The following AKAP13 variants were observed in gnomAD, a reference collection of about 807,000 sequenced individuals.
AKAP13 encodes A-kinase anchor protein 13.
In AKAP13, 80 loss-of-function variants were observed where a neutral mutation model predicts 264.5. That is an observed-to-expected ratio of 0.30 (90% CI 0.25 to 0.36). The LOEUF (loss-of-function observed/expected upper bound fraction) is 0.36. AKAP13 is among the 10% of genes least tolerant of loss of function. The pLI, the probability that AKAP13 is intolerant of heterozygous loss-of-function variation, is 1.00. For synonymous variants in AKAP13, 1,380 were observed against 1,250.2 expected, an observed-to-expected ratio of 1.10 and a Z score of -2.19; for missense variants, 3,712 against 3,435.2, an observed-to-expected ratio of 1.08 and a Z score of -2.01.
intron 17 of AKAP13, chr15:85,701,058 C>T (rs1236829070): frequency 6.6e-6 from 1 of 152,196 alleles, no homozygotes; most frequent in Non-Finnish European, 1.5e-5. Flanking sequence ...TTTTACATAT[C>T]TGAACACAGT....
chr15:85,387,679 T>C (rs1251303991), intron 1 of AKAP13, among the ~76,000 whole-genome samples: 3 of 152,058 alleles, frequency 2.0e-5, no homozygotes, highest in Non-Finnish European at 4.4e-5. Context: ...TAGGGGGCAA[T>C]TGACATTTTA....
At chr15:85,419,932 CTT>C (rs1191330109) in intron 1 of AKAP13, among the ~76,000 whole-genome samples, 8 of 110,538 alleles carry the variant, frequency 7.2e-5, no homozygotes, top group East Asian at 2.4e-4. Flanking sequence ...GAATCTGACT[CTT>C]GTTTTTTTTT....
chr15:85,392,399 C>T (rs765199105), intron 1 of AKAP13, among the ~76,000 whole-genome samples: 5 of 151,392 alleles, frequency 3.3e-5, no homozygotes, highest in Non-Finnish European at 5.9e-5. Flanking sequence ...GGACTACAGG[C>T]GTGCACCACC....
intron 2 of AKAP13, among the ~76,000 whole-genome samples, chr15:85,489,324 G>T (rs1306542622): frequency 6.6e-6 from 1 of 152,174 alleles, no homozygotes; most frequent in Non-Finnish European, 1.5e-5. Flanking sequence ...ACTTGAGCAG[G>T]CTCTACTGAA....
rs2085383394 is a variant in AKAP13 at position 85,693,137 on chromosome 15, A to G, written c.5290-140A>G. The G allele has an allele frequency of 2.2e-6, 3 of 1,350,684 alleles. No homozygotes were observed. The African/African-American group carries it at 4.5e-5, about 20-fold the overall frequency. The allele number at this position is 1,350,684 out of a possible 1,614,324, so 83.7% of individuals were successfully genotyped here. A position where few individuals can be genotyped will look rare whatever the true frequency, so the allele number is the denominator to read the frequency against. On this transcript the variant is annotated intron_variant, in intron 16 of 36. Transcript: ENST00000394518. ...TTAATTTAAAAAAACAAAACAAAAC[A>G]CTTTGCCCAGAACTTTGTTTCTCAC... is the stretch of plus-strand genomic sequence containing the variant.
At chr15:85,533,958 A>T (rs2279168) in intron 4 of AKAP13, 78 bp downstream of exon 4, 4 of 1,420,540 alleles carry the variant, frequency 2.8e-6, no homozygotes, top group Non-Finnish European at 3.8e-6. Context: ...CTACTTTTCT[A>T]TGGTCATCAT....
intron 1 of AKAP13, among the ~76,000 whole-genome samples, chr15:85,387,028 T>C (rs1447173258): frequency 6.6e-6 from 1 of 152,180 alleles, no homozygotes; most frequent in Non-Finnish European, 1.5e-5. Context: ...TCTTTTTCTT[T>C]TTTTTCTTTT....
At chr15:85,524,580 T>C (rs561422954) in intron 3 of AKAP13, among the ~76,000 whole-genome samples, 55 of 152,336 alleles carry the variant, frequency 3.6e-4, no homozygotes, top group African/African-American at 9.9e-4. Flanking sequence ...TTTTGTAACA[T>C]TTTAGTTTTT....
intron 8 of AKAP13, chr15:85,620,271 AG>A: frequency 8.7e-7 from 1 of 1,143,558 alleles, no homozygotes; most frequent in Middle Eastern, 2.3e-4. Flanking sequence ...ATTGGGAGAA[AG>A]GCCGAGAAAT....
chr15:85,597,387 C>T (rs2079864728), intron 8 of AKAP13, among the ~76,000 whole-genome samples: 1 of 152,096 alleles, frequency 6.6e-6, no homozygotes, highest in Non-Finnish European at 1.5e-5. Context: ...CATGGTAAGC[C>T]AGAGGCACAC....
At chr15:85,520,300 A>T (rs2076769651) in intron 2 of AKAP13, among the ~76,000 whole-genome samples, 1 of 151,890 alleles carries the variant, frequency 6.6e-6, no homozygotes, top group Admixed American at 6.6e-5. Flanking sequence ...TTCGAGACCA[A>T]CCTGGCCAAC....
intron 3 of AKAP13, among the ~76,000 whole-genome samples, chr15:85,524,829 G>A (rs1489104541): frequency 1.3e-5 from 2 of 151,414 alleles, no homozygotes; most frequent in Non-Finnish European, 2.9e-5. Context: ...GTGTGTGTGT[G>A]TCTGTCTGTC....
intron 2 of AKAP13, among the ~76,000 whole-genome samples, chr15:85,504,017 AG>A (rs2076113664): frequency 6.6e-6 from 1 of 152,150 alleles, no homozygotes; most frequent in South Asian, 2.1e-4. Context: ...TCAGGAGAGT[AG>A]CTTGATCAGA....
intron 1 of AKAP13, among the ~76,000 whole-genome samples, chr15:85,397,029 AT>A (rs1220848247): frequency 7.8e-6 from 1 of 127,766 alleles, no homozygotes; most frequent in Non-Finnish European, 1.6e-5. Context: ...GAATTTGGTG[AT>A]TCCCCCCCGC....
At chr15:85,484,822 CTG>C (rs550849578) in intron 1 of AKAP13, among the ~76,000 whole-genome samples, 2 of 152,154 alleles carry the variant, frequency 1.3e-5, no homozygotes, top group Non-Finnish European at 2.9e-5. Flanking sequence ...GTTATTTTGT[CTG>C]TGTTTTTGCA....
intron 3 of AKAP13, among the ~76,000 whole-genome samples, chr15:85,531,350 C>T (rs191618189): frequency 2.0e-5 from 3 of 152,282 alleles, no homozygotes; most frequent in Non-Finnish European, 2.9e-5. Flanking sequence ...TGTTATGAAC[C>T]GTAAATCTCT....
chr15:85,594,583 T>C (rs1450252818), intron 8 of AKAP13, among the ~76,000 whole-genome samples: 1 of 152,222 alleles, frequency 6.6e-6, no homozygotes, highest in African/African-American at 2.4e-5. Context: ...GGGCTACCAA[T>C]AGGTGATCTC....
chr15:85,400,794 G>A (rs2071383104), intron 1 of AKAP13, among the ~76,000 whole-genome samples: 1 of 151,210 alleles, frequency 6.6e-6, no homozygotes, highest in East Asian at 1.9e-4. Context: ...TTGATATTCA[G>A]CCTATTTCTG....
chr15:85,582,143 A>G, intron 7 of AKAP13, 36 bp downstream of exon 7: 1 of 1,537,174 alleles, frequency 6.5e-7, no homozygotes, highest in Non-Finnish European at 8.7e-7. Context: ...ACAGTCTGAG[A>G]AGCAGATTCC....
Sources: allele counts gnomAD v4.1 joint callset (sites outside exome capture counted in the v4.1 genomes callset), GRCh38; gene constraint gnomAD v4.1.1; transcripts MANE v1.5; gene names NCBI Gene and HGNC (gene_info 2026-07-23, HGNC 2026-07-21).